Variants in PRKCE observed in about 807,000 individuals in gnomAD.
The protein encoded by PRKCE is protein kinase C epsilon type.
In PRKCE, 16 loss-of-function variants were observed where a neutral mutation model predicts 85.4. That is an observed-to-expected ratio of 0.19 (90% CI 0.13 to 0.28). The LOEUF (loss-of-function observed/expected upper bound fraction) is 0.28. Ranked by LOEUF, PRKCE falls within the 10% of genes least tolerant of loss-of-function variation. The pLI, the probability that PRKCE is intolerant of heterozygous loss-of-function variation, is 1.00. For synonymous variants in PRKCE, 388 were observed against 371.5 expected, an observed-to-expected ratio of 1.04 and a Z score of -0.51; for missense variants, 573 against 975.2, an observed-to-expected ratio of 0.59 and a Z score of 5.49.
At chr2:45,698,137 C>G (rs762377469) in intron 1 of PRKCE, 4 of 152,520 alleles carry the variant, frequency 2.6e-5, no homozygotes, top group African/African-American at 9.7e-5. Flanking sequence ...GGCTGTTGGC[C>G]GCAGGTTAGG....
chr2:45,754,580 G>A (rs1305690283), intron 1 of PRKCE, among the ~76,000 whole-genome samples: 1 of 152,176 alleles, frequency 6.6e-6, no homozygotes, highest in Non-Finnish European at 1.5e-5. Context: ...CCACTTAGGT[G>A]GCCTGGTTTC....
chr2:45,786,246 T>G lies in PRKCE; in HGVS notation c.349-56754T>G, dbSNP rs1686595510. Among the ~76,000 whole-genome samples the G allele has an allele frequency of 6.6e-6, 1 of 152,200 alleles. No homozygotes were observed. The highest frequency in any genetic ancestry group is 2.4e-5 in the African/African-American group (1 of 41,444). ...CCAGGGAGTGCTGGGCTTTCCAGGT[T>G]GCCTGTCCAGCGTCTCTGTGTCTCC... On this transcript the variant is annotated intron_variant, in intron 1 of 14. Coordinates refer to ENST00000306156, the MANE Select transcript of PRKCE (RefSeq NM_005400.3). The surrounding 1 kb of genome is among the most constrained non-coding windows in gnomAD (Gnocchi z 5.3).
chr2:46,107,045 A>G (rs898977230), intron 11 of PRKCE, among the ~76,000 whole-genome samples: 3 of 152,344 alleles, frequency 2.0e-5, no homozygotes, highest in Admixed American at 6.5e-5. Flanking sequence ...TTTGTGCTAT[A>G]AAGTTTTATG....
intron 12 of PRKCE, among the ~76,000 whole-genome samples, chr2:46,147,210 G>T (rs898850924): frequency 1.3e-5 from 2 of 152,220 alleles, no homozygotes; most frequent in Non-Finnish European, 2.9e-5. Flanking sequence ...TAGGAATTCA[G>T]CCTTCAAGGA....
intron 1 of PRKCE, among the ~76,000 whole-genome samples, chr2:45,713,935 G>C (rs778549563): frequency 2.6e-5 from 4 of 152,198 alleles, no homozygotes; most frequent in African/African-American, 4.8e-5. Context: ...TCTTGAGACA[G>C]TAAAATGTCT....
intron 2 of PRKCE, among the ~76,000 whole-genome samples, chr2:45,891,657 A>G (rs1443405326): frequency 1.3e-5 from 2 of 152,154 alleles, no homozygotes; most frequent in African/African-American, 4.8e-5. Flanking sequence ...ATCAACAATC[A>G]TGCAATGGGG....
intron 1 of PRKCE, among the ~76,000 whole-genome samples, chr2:45,838,459 G>A (rs138697266): frequency 4.5e-4 from 68 of 152,284 alleles, no homozygotes; most frequent in Admixed American, 2.0e-4. Flanking sequence ...CCAACATGGC[G>A]TCAGAGGCAC....
chr2:45,812,756 G>A lies in PRKCE; in HGVS notation c.349-30244G>A, dbSNP rs1349899533. 2.6e-5 allele frequency among the ~76,000 whole-genome samples: 4 copies of A among 152,330 alleles called. No homozygotes were observed. The East Asian group carries it at 7.7e-4, about 29-fold the overall frequency. ...ATTTTAAAGCACCCGGCAGGGACTG[G>A]ATCCCATAGCAGTAGTGGTGGTGGT... On this transcript the variant is annotated intron_variant, in intron 1 of 14. Coordinates refer to ENST00000306156, the MANE Select transcript of PRKCE (RefSeq NM_005400.3).
intron 11 of PRKCE, among the ~76,000 whole-genome samples, chr2:46,132,583 C>T (rs996711290): frequency 4.6e-5 from 7 of 152,198 alleles, no homozygotes. Context: ...CTCTTCTTAA[C>T]CGGCCTCATT....
In PRKCE at chr2:46,185,369, C is replaced by T. The variant is rs536800670; in HGVS notation, c.*488C>T. The T allele has an allele frequency of 2.6e-5, 4 of 154,066 alleles. No homozygotes were observed. In the South Asian group the frequency reaches 8.2e-4, roughly 32 times the overall value. The allele number at this position is 154,066 out of a possible 1,614,324, so 9.5% of individuals were successfully genotyped here. A position where few individuals can be genotyped will look rare whatever the true frequency, so the allele number is the denominator to read the frequency against. On this transcript the variant is annotated 3_prime_UTR_variant, in exon 15 of 15. Coordinates refer to ENST00000306156, the MANE Select transcript of PRKCE (RefSeq NM_005400.3). The surrounding 1 kb of genome is among the most constrained non-coding windows in gnomAD (Gnocchi z 4.7). The stretch of plus-strand genomic sequence containing the variant: ...AGAGACTGGTGCTTCTCCGCACACA[C>T]GAGGGAGGGCGCCCTTGAGGCATGC...
intron 1 of PRKCE, among the ~76,000 whole-genome samples, chr2:45,732,814 A>T (rs1017498545): frequency 6.6e-6 from 1 of 152,210 alleles, no homozygotes; most frequent in Non-Finnish European, 1.5e-5. Flanking sequence ...ACAACAAAAA[A>T]CCGACATGAG....
Position 45,970,232 on chromosome 2 carries a change from A to G in PRKCE, c.413-6197A>G, listed in dbSNP as rs77035684. Among the ~76,000 whole-genome samples, 319 of 152,342 alleles carry G rather than the reference A, an allele frequency of 2.1e-3. 2 individuals carry two copies. The highest frequency in any genetic ancestry group is 7.4e-3 in the African/African-American group (306 of 41,572). ...CAATAATGGATAATAATTTTAAAAC[A>G]AATTGGTTACTTTTTTAGGTATTAA... On this transcript the variant is annotated intron_variant, in intron 2 of 14. Coordinates refer to ENST00000306156, the MANE Select transcript of PRKCE (RefSeq NM_005400.3).
rs376270700 is a variant in PRKCE at position 45,906,906 on chromosome 2, G to A, written c.412+63843G>A. Among the ~76,000 whole-genome samples, 33 of 152,360 alleles carry A rather than the reference G, an allele frequency of 2.2e-4. No homozygotes were observed. The South Asian group carries it at 6.2e-3, about 29-fold the overall frequency. On this transcript the variant is annotated intron_variant, in intron 2 of 14. Transcript: ENST00000306156. ...TCACACCCTGCGCTTGGCTGGGACA[G>A]TGTTTCATGGGCTTCTCCTGCCGCC...
At chr2:45,794,841 C>T (rs1687294202) in intron 1 of PRKCE, among the ~76,000 whole-genome samples, 1 of 99,842 alleles carries the variant, frequency 1.0e-5, no homozygotes, top group Non-Finnish European at 1.9e-5. Flanking sequence ...ACAATTATTG[C>T]CCTACCCCCC....
rs112255550 is a variant in PRKCE, at chr2:46,075,780, A to C, written c.1438-10428A>C. Among the ~76,000 whole-genome samples the C allele has an allele frequency of 3.9e-3, 598 of 152,308 alleles. 3 individuals are homozygous for C. Among genetic ancestry groups the C allele is most frequent in the African/African-American group, 0.014 (576 of 41,566 alleles). ...AATAGATAAATTATTGATAGAATCAAAAAGGGATTTGACTAAGGCATCCTC... is the reference window on the plus strand; with the variant it reads ...AATAGATAAATTATTGATAGAATCACAAAGGGATTTGACTAAGGCATCCTC... On this transcript the variant is annotated intron_variant, in intron 10 of 14. Coordinates refer to ENST00000306156, the MANE Select transcript of PRKCE (RefSeq NM_005400.3).
chr2:46,007,372 G>A, intron 8 of PRKCE, 90 bp from the exon 9 acceptor site: 3 of 1,298,264 alleles, frequency 2.3e-6, no homozygotes, highest in African/African-American at 1.5e-5. Context: ...AGGACTGAGA[G>A]CTTACAGGGG....
At chr2:45,880,928 C>T (rs949806513) in intron 2 of PRKCE, among the ~76,000 whole-genome samples, 29 of 151,910 alleles carry the variant, frequency 1.9e-4, no homozygotes, top group African/African-American at 6.5e-4. Flanking sequence ...CCGAGGCGGG[C>T]GGATCACGAG....
chr2:45,810,103 C>A lies in PRKCE; in HGVS notation c.349-32897C>A, dbSNP rs193007061. 5.2e-3 allele frequency among the ~76,000 whole-genome samples: 789 copies of A among 151,716 alleles called. 5 individuals are homozygous for A. The highest frequency in any genetic ancestry group is 0.018 in the African/African-American group (754 of 41,448). On this transcript the variant is annotated intron_variant, in intron 1 of 14. Transcript: ENST00000306156. Reference sequence around the variant, plus strand: ...TCCCCCAGGCTGGAGTGCAATGGTGCGATCTCAGCTCACTGCAACCTCCGC... The same window carrying A: ...TCCCCCAGGCTGGAGTGCAATGGTGAGATCTCAGCTCACTGCAACCTCCGC...
intron 2 of PRKCE, among the ~76,000 whole-genome samples, chr2:45,883,460 G>A (rs114047661): frequency 0.014 from 2,075 of 152,322 alleles, 20 homozygotes; most frequent in African/African-American, 0.031. Flanking sequence ...AGTCTGGAAG[G>A]CTCCTAGAGG....
Sources: gnomAD v4.1 joint callset for allele counts (sites outside exome capture counted in the v4.1 genomes callset) on GRCh38, gnomAD v4.1.1 for gene constraint, Gnocchi (gnomAD v3.1) non-coding constraint, MANE v1.5 for transcripts, NCBI Gene and HGNC (gene_info 2026-07-23, HGNC 2026-07-21) for gene names.